Variants in ATL3 observed in about 807,000 individuals in gnomAD.
The protein encoded by ATL3 is atlastin GTPase 3.
In ATL3, 49 loss-of-function variants were observed where a neutral mutation model predicts 69.5. The observed-to-expected ratio is 0.71, with a 90% CI of 0.56 to 0.89. The LOEUF (loss-of-function observed/expected upper bound fraction) is 0.89. Among genes scored for constraint, ATL3 ranks in the 40% least tolerant of loss-of-function variants. The pLI is 0.00. For synonymous variants in ATL3, 214 were observed against 224.1 expected, an observed-to-expected ratio of 0.95 and a Z score of 0.40; for missense variants, 606 against 645.7, an observed-to-expected ratio of 0.94 and a Z score of 0.67.
At chr11:63,668,790 CT>C (rs386373974) in intron 1 of ATL3, among the ~76,000 whole-genome samples, 4,381 of 81,406 alleles carry the variant, frequency 0.054, 47 homozygotes, top group African/African-American at 0.11. Flanking sequence ...AGCTGTGTTC[CT>C]TTTTTTTTTT....
At chr11:63,643,744 G>A (rs1939776171) in intron 7 of ATL3, among the ~76,000 whole-genome samples, 1 of 152,202 alleles carries the variant, frequency 6.6e-6, no homozygotes, top group Non-Finnish European at 1.5e-5. Flanking sequence ...GATGGTTTGT[G>A]GGGATGAAGG....
At chr11:63,671,143 G>A (rs1940759710) in intron 1 of ATL3, 147 bp downstream of exon 1, 2 of 1,377,316 alleles carry the variant, frequency 1.5e-6, no homozygotes, top group Non-Finnish European at 1.9e-6. Context: ...CACAAATTCG[G>A]AAACCGAGTG....
chr11:63,667,479 G>C (rs1018744234), intron 1 of ATL3, among the ~76,000 whole-genome samples: 35 of 152,116 alleles, frequency 2.3e-4, no homozygotes, highest in African/African-American at 7.7e-4. Context: ...CCTGAGAAGT[G>C]GGCCGGGTGC....
chr11:63,644,382 C>CTT (rs5792299), intron 6 of ATL3, 121 bp from the exon 7 acceptor site: 2,540 of 341,578 alleles, frequency 7.4e-3, no homozygotes, highest in South Asian at 9.9e-3. Flanking sequence ...AAGGATTTAC[C>CTT]TTTTTTTTTT....
Position 63,635,560 on chromosome 11 carries a change from G to A in ATL3, c.1009C>T (p.Leu337=). The change falls in exon 10 of 13, where the codon CTG becomes TTG. Residue 337 remains leucine (L), a synonymous_variant. Coordinates refer to ENST00000398868, the MANE Select transcript of ATL3 (RefSeq NM_015459.5). ...AYIKIYQGED[L]PHPKSMLQAT... ...TGAAGCATGGACTTGGGGTGAGGCA[G>A]ATCTTCTCCTTGATAAATTTTAATA... 6.2e-7 allele frequency: 1 copy of A among 1,612,114 alleles called. No individual in the cohort carries two copies.
chr11:63,656,608 C>G (rs2134518004), intron 3 of ATL3, among the ~76,000 whole-genome samples: 1 of 151,754 alleles, frequency 6.6e-6, no homozygotes, highest in African/African-American at 2.4e-5. Flanking sequence ...GTGGTGCGCG[C>G]CTGTAGTCCC....
chr11:63,671,686 G>A (rs1590752162), upstream of ATL3: 1 of 1,331,462 alleles, frequency 7.5e-7, no homozygotes, highest in Non-Finnish European at 9.8e-7. Context: ...GTAGTCCCGC[G>A]CTCACTGGGT....
At chr11:63,645,768 G>T (rs1939853446) in intron 6 of ATL3, among the ~76,000 whole-genome samples, 2 of 150,592 alleles carry the variant, frequency 1.3e-5, no homozygotes, top group East Asian at 2.0e-4. Flanking sequence ...TTTTATTTTT[G>T]TTTTTTTCTT....
Position 63,646,562 on chromosome 11 carries a change from A to G in ATL3, c.563T>C (p.Leu188Pro). Reference protein sequence around the residue: ...IQEDDLQQLQLFTEYGRLAMD... With the variant: ...IQEDDLQQLQPFTEYGRLAMD... ...TGCCAGACGACCGTATTCTGTGAAG[A>G]GCTTTAAAAAAGAAGCATTATGGTT... is the stretch of plus-strand genomic sequence containing the variant. Residue 188 changes from leucine (L) to proline (P), a missense_variant and splice_region_variant, in exon 6 of 13, where the codon CTC (leucine) becomes CCC (proline). Leu to Pro is a moderately conservative substitution (Grantham distance 98). Coordinates refer to ENST00000398868, the MANE Select transcript of ATL3 (RefSeq NM_015459.5). 6.2e-7 allele frequency: 1 copy of G among 1,600,958 alleles called. No homozygotes were observed. The highest frequency in any genetic ancestry group is 8.5e-7 in the Non-Finnish European group (1 of 1,174,506).
intron 6 of ATL3, among the ~76,000 whole-genome samples, chr11:63,644,993 A>G (rs568259164): frequency 6.6e-6 from 1 of 152,242 alleles, no homozygotes; most frequent in East Asian, 1.9e-4. Context: ...AGGCAGGAGA[A>G]TCACTTGAAC....
At position 63,659,237 on chromosome 11, in the gene ATL3, C is replaced by T. The variant is rs972789399; in HGVS notation, c.62G>A (p.Ser21Asn). 20 of 1,613,920 alleles carry T rather than the reference C, an allele frequency of 1.2e-5. No homozygotes were observed. Among genetic ancestry groups the T allele is most frequent in the Admixed American group, 3.3e-5 (2 of 59,984 alleles). Residue 21 changes from serine (S) to asparagine (N), a missense_variant, in exon 2 of 13, where the codon AGC becomes AAC. Physicochemically the swap from Ser to Asn is conservative, Grantham distance 46. Transcript: ENST00000398868. ...ASRGADDAME[S>N]SKPGPVQVVL... The stretch of plus-strand genomic sequence containing the variant: ...AACCTGCACTGGACCAGGCTTGCTG[C>T]TCTCCATGGCATCATCTATGTTCAT...
intron 11 of ATL3, among the ~76,000 whole-genome samples, chr11:63,631,959 G>A (rs566707371): frequency 6.6e-6 from 1 of 152,320 alleles, no homozygotes; most frequent in African/African-American, 2.4e-5. Context: ...TCCAGCCTGG[G>A]CGACAGAGTG....
chr11:63,671,230 T>A (rs1940763244), intron 1 of ATL3, 60 bp downstream of exon 1: 1 of 1,524,850 alleles, frequency 6.6e-7, no homozygotes, highest in Admixed American at 2.1e-5. Context: ...TTTTCAGAAC[T>A]ACAGCAGGGA....
intron 7 of ATL3, 39 bp from the exon 8 acceptor site, chr11:63,643,534 T>C (rs201131984): frequency 6.3e-7 from 1 of 1,581,518 alleles, no homozygotes; most frequent in African/African-American, 1.3e-5. Context: ...CCAAAAGTCA[T>C]TTGGTTTTCT....
At chr11:63,665,045 A>G (rs918826951) in intron 1 of ATL3, among the ~76,000 whole-genome samples, 1 of 152,192 alleles carries the variant, frequency 6.6e-6, no homozygotes, top group Non-Finnish European at 1.5e-5. Flanking sequence ...TAATCCAATG[A>G]TAAGAATGTA....
At chr11:63,639,112 G>A (rs563272289) in intron 8 of ATL3, among the ~76,000 whole-genome samples, 19 of 151,702 alleles carry the variant, frequency 1.3e-4, no homozygotes, top group Non-Finnish European at 2.4e-4. Flanking sequence ...TTTAAATTCT[G>A]AAAACTACGT....
chr11:63,661,897 A>AT (rs1940432377), intron 1 of ATL3, among the ~76,000 whole-genome samples: 4 of 151,328 alleles, frequency 2.6e-5, no homozygotes, highest in Admixed American at 2.6e-4. Context: ...TCAAAAAAAA[A>AT]AAGTGAAAAG....
intron 8 of ATL3, among the ~76,000 whole-genome samples, chr11:63,639,896 T>C (rs959071634): frequency 6.6e-5 from 10 of 152,194 alleles, no homozygotes; most frequent in Non-Finnish European, 1.5e-4. Context: ...CAAACATCTT[T>C]CTGTATAAAG....
upstream of ATL3, chr11:63,671,545 G>GGACGAGGCTA (rs1940784411): frequency 1.4e-6 from 2 of 1,428,360 alleles, no homozygotes; most frequent in Non-Finnish European, 1.8e-6. Context: ...GGCGAGCGCA[G>GGACGAGGCTA]GACGAGGCTA....
Sources: gnomAD v4.1 joint callset for allele counts (sites outside exome capture counted in the v4.1 genomes callset) on GRCh38, gnomAD v4.1.1 for gene constraint, MANE v1.5 for transcripts, NCBI Gene and HGNC (gene_info 2026-07-23, HGNC 2026-07-21) for gene names.